The following MAP4 variants were observed in gnomAD, a reference collection of about 807,000 sequenced individuals.
The protein encoded by MAP4 is microtubule-associated protein 4.
Under a neutral mutation model 170.2 loss-of-function variants are expected in MAP4, and 76 were observed. The ratio of observed to expected loss-of-function variants is 0.45; its 90% CI spans 0.37 to 0.54. The LOEUF is 0.54. Among genes scored for constraint, MAP4 ranks in the 20% least tolerant of loss-of-function variants. The probability of loss-of-function intolerance (pLI) is 0.00; values close to 1 mark genes in which losing one functional copy is unlikely to be tolerated. For missense variants in MAP4, 2,506 were observed against 2,748.0 expected (o/e 0.91, Z 1.97); for synonymous variants, 909 against 994.5 (o/e 0.91, Z 1.62).
chr3:48,022,651 G>A (rs1045539367), intron 1 of MAP4, among the ~76,000 whole-genome samples: 4 of 152,198 alleles, frequency 2.6e-5, no homozygotes, highest in South Asian at 2.1e-4. Flanking sequence ...AGCACTTTGC[G>A]AGGCTGAGGC....
At chr3:47,962,335 C>A (rs2100072067) in intron 3 of MAP4, among the ~76,000 whole-genome samples, 1 of 152,196 alleles carries the variant, frequency 6.6e-6, no homozygotes, top group Non-Finnish European at 1.5e-5. Context: ...GGTTAAGCCC[C>A]AGTCTGGGGG....
chr3:47,883,236 C>A (rs750035708), intron 10 of MAP4, among the ~76,000 whole-genome samples: 33 of 150,784 alleles, frequency 2.2e-4, no homozygotes, highest in Non-Finnish European at 4.3e-4. Context: ...TATTATATTC[C>A]TTTTTTTTTG....
intron 10 of MAP4, among the ~76,000 whole-genome samples, chr3:47,893,610 T>C (rs1242836299): frequency 6.6e-6 from 1 of 152,182 alleles, no homozygotes; most frequent in Non-Finnish European, 1.5e-5. Flanking sequence ...AATTACACTA[T>C]AAGGACAGGC....
chr3:47,982,224 C>CA (rs1422846488), intron 2 of MAP4, among the ~76,000 whole-genome samples: 6 of 152,116 alleles, frequency 3.9e-5, no homozygotes, highest in Non-Finnish European at 8.8e-5. Context: ...CAAGTTAAAA[C>CA]ACAGAACCTT....
At chr3:47,931,740 T>C (rs2100049971) in intron 3 of MAP4, 1 of 151,340 alleles carries the variant, frequency 6.6e-6, no homozygotes, top group Admixed American at 6.6e-5. Flanking sequence ...AGCAGTTCTC[T>C]GATCTCAACC....
chr3:47,963,960 T>C (rs1306773460), intron 3 of MAP4, among the ~76,000 whole-genome samples: 2 of 152,168 alleles, frequency 1.3e-5, no homozygotes, highest in African/African-American at 4.8e-5. Context: ...GGGAAGAACA[T>C]TCCAGGCAGA....
At chr3:47,948,330 C>T (rs1024038454) in intron 3 of MAP4, among the ~76,000 whole-genome samples, 3 of 150,040 alleles carry the variant, frequency 2.0e-5, no homozygotes, top group African/African-American at 7.4e-5. Flanking sequence ...ACCTCCTGGG[C>T]TCAAGCGATC....
At chr3:48,031,942 T>C (rs1277909127) in intron 1 of MAP4, among the ~76,000 whole-genome samples, 1 of 152,138 alleles carries the variant, frequency 6.6e-6, no homozygotes, top group Non-Finnish European at 1.5e-5. Flanking sequence ...GATTTGATAG[T>C]ATGCACCCTT....
intron 1 of MAP4, among the ~76,000 whole-genome samples, chr3:48,008,164 C>G (rs985975084): frequency 2.6e-5 from 4 of 152,286 alleles, no homozygotes; most frequent in Admixed American, 2.6e-4. Flanking sequence ...GGCTCAAGCA[C>G]GTCCTGAAGG....
At chr3:47,895,376 T>C (rs2100026261) in intron 10 of MAP4, among the ~76,000 whole-genome samples, 1 of 152,224 alleles carries the variant, frequency 6.6e-6, no homozygotes, top group Non-Finnish European at 1.5e-5. Flanking sequence ...ACTTCTGAAG[T>C]TGAAACAGCC....
intron 3 of MAP4, among the ~76,000 whole-genome samples, chr3:47,955,214 A>G (rs1480981147): frequency 6.6e-5 from 10 of 152,138 alleles, no homozygotes; most frequent in Non-Finnish European, 1.3e-4. Flanking sequence ...TCTTTACTGG[A>G]GCAAATCAAC....
In MAP4 at chr3:47,851,107, C is replaced by G. The variant is rs1222236765; in HGVS notation, c.*1827G>C. On this transcript the variant is annotated 3_prime_UTR_variant, in exon 21 of 21. Transcript: ENST00000683076. ...TGACTACGCAACCCTGTTTCCTTCC[C>G]ACTTTCATCCCAGCAGGCCCTTTCT... 1.3e-5 allele frequency: 2 copies of G among 152,336 alleles called. No individual in the cohort carries two copies. The highest frequency in any genetic ancestry group is 4.8e-5 in the African/African-American group (2 of 41,466). 9.4% of individuals were successfully genotyped at this position (152,336 alleles called of 1,614,324 possible).
At chr3:48,067,005 T>A (rs913719560) in intron 1 of MAP4, among the ~76,000 whole-genome samples, 1 of 151,894 alleles carries the variant, frequency 6.6e-6, no homozygotes, top group East Asian at 1.9e-4. Flanking sequence ...CACGCCCGGC[T>A]AATTTTTTGT....
chr3:47,976,324 G>A lies in MAP4; in HGVS notation c.292+1541C>T, dbSNP rs138105543. On this transcript the variant is annotated intron_variant, in intron 3 of 20. Coordinates refer to ENST00000683076, the MANE Select transcript of MAP4 (RefSeq NM_001385682.1). Reference sequence around the variant, plus strand: ...TCTGTACTACTAAGGCCTGGCAGCGGTAAGCACCTGCTACACAGAGTTTGA... The same window carrying A: ...TCTGTACTACTAAGGCCTGGCAGCGATAAGCACCTGCTACACAGAGTTTGA... Among the ~76,000 whole-genome samples the A allele has an allele frequency of 2.1e-3, 320 of 152,290 alleles. 2 individuals are homozygous for A. Among genetic ancestry groups the A allele is most frequent in the Non-Finnish European group, 3.6e-3 (242 of 68,026 alleles).
intron 10 of MAP4, among the ~76,000 whole-genome samples, chr3:47,883,761 T>C (rs1375757469): frequency 1.3e-5 from 2 of 152,212 alleles, no homozygotes; most frequent in South Asian, 4.1e-4. Flanking sequence ...TCTTTTCTTT[T>C]GGCACTTGAA....
chr3:47,955,433 CGT>C (rs2100067151), intron 3 of MAP4, among the ~76,000 whole-genome samples: 1 of 107,924 alleles, frequency 9.3e-6, no homozygotes, highest in Non-Finnish European at 1.9e-5. Flanking sequence ...TAAATAAGCA[CGT>C]ACACACACAC....
intron 1 of MAP4, among the ~76,000 whole-genome samples, chr3:48,087,648 C>T (rs1266075629): frequency 1.3e-5 from 2 of 151,994 alleles, no homozygotes; most frequent in African/African-American, 2.4e-5. Context: ...TGGGAAAGAG[C>T]AGAGGCAGTT....
intron 3 of MAP4, among the ~76,000 whole-genome samples, chr3:47,946,552 G>A (rs569591294): frequency 8.8e-5 from 13 of 147,494 alleles, no homozygotes; most frequent in Non-Finnish European, 1.4e-4. Flanking sequence ...TACTCATGAG[G>A]CTGAGACAGG....
rs1001534511 is a variant in MAP4, at chr3:47,903,738, C to T, written c.5384-738G>A. Among the ~76,000 whole-genome samples the T allele has an allele frequency of 2.0e-5, 3 of 152,134 alleles. No homozygotes were observed. In the South Asian group the frequency reaches 6.2e-4, roughly 31 times the overall value. On this transcript the variant is annotated intron_variant, in intron 9 of 20. Coordinates refer to ENST00000683076, the MANE Select transcript of MAP4 (RefSeq NM_001385682.1). ...AGACTTTGGCAATATATTCACTTTC[C>T]CTACTTCTAAACAGGGTAAGATCAG...
Sources: gnomAD v4.1 joint callset for allele counts (sites outside exome capture counted in the v4.1 genomes callset) on GRCh38, gnomAD v4.1.1 for gene constraint, MANE v1.5 for transcripts, NCBI Gene and HGNC (gene_info 2026-07-23, HGNC 2026-07-21) for gene names.